HACE1: variants seen among roughly 807,000 people sequenced by gnomAD.
HACE1 encodes the protein E3 ubiquitin-protein ligase HACE1.
In HACE1, 73 loss-of-function variants were observed where a neutral mutation model predicts 118.4. That is an observed-to-expected ratio of 0.62 (90% CI 0.51 to 0.75). HACE1 has a LOEUF of 0.75. Ranked by LOEUF, HACE1 falls within the 30% of genes least tolerant of loss-of-function variation. The probability of loss-of-function intolerance (pLI) is 0.00; values close to 1 mark genes in which losing one functional copy is unlikely to be tolerated. For synonymous variants in HACE1, 368 were observed against 374.8 expected (o/e 0.98, Z 0.21); for missense variants, 749 against 1,102.2 (o/e 0.68, Z 4.54).
At chr6:104,824,809 C>G (rs1359252486) in intron 6 of HACE1, 1 of 151,924 alleles carries the variant, frequency 6.6e-6, no homozygotes, top group Non-Finnish European at 1.5e-5. Context: ...CACGGTGGCT[C>G]ACACCTGTAA....
chr6:104,839,669 A>C (rs770445440), intron 5 of HACE1, among the ~76,000 whole-genome samples: 4 of 152,220 alleles, frequency 2.6e-5, no homozygotes, highest in Non-Finnish European at 5.9e-5. Flanking sequence ...AATAAAAATG[A>C]ATAGAACTTA....
chr6:104,756,424 A>T (rs1239021048), intron 19 of HACE1, among the ~76,000 whole-genome samples: 158 of 122,070 alleles, frequency 1.3e-3, no homozygotes, highest in African/African-American at 4.8e-3. Flanking sequence ...AAAAAAAAAA[A>T]AAATATATAT....
At chr6:104,735,059 C>G (rs1229437557) in intron 22 of HACE1, among the ~76,000 whole-genome samples, 1 of 151,698 alleles carries the variant, frequency 6.6e-6, no homozygotes, top group African/African-American at 2.4e-5. Flanking sequence ...TATATAAAAT[C>G]TTAGGAGTAG....
chr6:104,750,922 A>G (rs567815996), intron 19 of HACE1, among the ~76,000 whole-genome samples: 6 of 152,316 alleles, frequency 3.9e-5, no homozygotes, highest in African/African-American at 1.4e-4. Flanking sequence ...GTGTGTATGT[A>G]CATGTAAATA....
chr6:104,830,461 C>T (rs1252127868), intron 6 of HACE1, among the ~76,000 whole-genome samples: 1 of 152,182 alleles, frequency 6.6e-6, no homozygotes, highest in East Asian at 1.9e-4. Context: ...CTATAACCCT[C>T]CATTTTTCCA....
chr6:104,809,751 C>T (rs1221905816), intron 7 of HACE1, among the ~76,000 whole-genome samples: 6 of 149,692 alleles, frequency 4.0e-5, no homozygotes, highest in Non-Finnish European at 8.9e-5. Flanking sequence ...GAGATTACTG[C>T]AGTACTCTAG....
intron 14 of HACE1, among the ~76,000 whole-genome samples, 164 bp from the exon 15 acceptor site, chr6:104,777,481 A>G (rs574201827): frequency 6.6e-6 from 1 of 152,382 alleles, no homozygotes; most frequent in East Asian, 1.9e-4. Context: ...AACTATTTAC[A>G]AAAAGACAGA....
chr6:104,759,694 A>G (rs1172707482), intron 19 of HACE1, among the ~76,000 whole-genome samples: 2 of 152,202 alleles, frequency 1.3e-5, no homozygotes, highest in Admixed American at 6.5e-5. Context: ...AGAAATAACT[A>G]AGATCAGAGC....
intron 6 of HACE1, among the ~76,000 whole-genome samples, chr6:104,811,600 G>T (rs1771636106): frequency 6.6e-6 from 1 of 152,000 alleles, no homozygotes; most frequent in Non-Finnish European, 1.5e-5. Flanking sequence ...CATATATGTG[G>T]AATTATCAGT....
At chr6:104,780,159 T>C (rs1460986938) in intron 14 of HACE1, among the ~76,000 whole-genome samples, 2 of 152,160 alleles carry the variant, frequency 1.3e-5, no homozygotes, top group East Asian at 3.8e-4. Flanking sequence ...CATTATAAGA[T>C]ATTAAACTAT....
chr6:104,776,011 G>C (rs969049596), intron 17 of HACE1, among the ~76,000 whole-genome samples: 12 of 152,198 alleles, frequency 7.9e-5, no homozygotes, highest in African/African-American at 1.2e-4. Flanking sequence ...TATTAAGTTA[G>C]AGAGCTCTCA....
chr6:104,799,358 C>T (rs1350584573), intron 7 of HACE1, among the ~76,000 whole-genome samples: 2 of 152,208 alleles, frequency 1.3e-5, no homozygotes, highest in South Asian at 2.1e-4. Context: ...CAAACACACA[C>T]ATAAGGGTAG....
chr6:104,759,631 T>C (rs1156668432), intron 19 of HACE1, among the ~76,000 whole-genome samples: 2 of 151,680 alleles, frequency 1.3e-5, no homozygotes, highest in Non-Finnish European at 2.9e-5. Context: ...AACATCACAA[T>C]TGAAAGAACT....
At chr6:104,773,203 T>C (rs1044164875) in intron 17 of HACE1, among the ~76,000 whole-genome samples, 1 of 152,238 alleles carries the variant, frequency 6.6e-6, no homozygotes, top group African/African-American at 2.4e-5. Context: ...GCTCATGCTA[T>C]ATACTACTAT....
At chr6:104,816,705 C>G (rs892078730) in intron 6 of HACE1, among the ~76,000 whole-genome samples, 4 of 152,146 alleles carry the variant, frequency 2.6e-5, no homozygotes, top group Admixed American at 6.5e-5. Flanking sequence ...CCACCACCCC[C>G]CAGACCCAAC....
intron 20 of HACE1, 141 bp from the exon 21 acceptor site, chr6:104,744,751 C>A: frequency 1.6e-6 from 1 of 644,600 alleles, no homozygotes; most frequent in Non-Finnish European, 2.8e-6. Context: ...ATGTCATCAA[C>A]AACAAGCATT....
At chr6:104,779,153 T>G (rs1781492144) in intron 14 of HACE1, among the ~76,000 whole-genome samples, 1 of 152,162 alleles carries the variant, frequency 6.6e-6, no homozygotes, top group African/African-American at 2.4e-5. Context: ...GAGAATTTGC[T>G]TAGCAAATGA....
Position 104,849,186 on chromosome 6 carries a change from T to G in HACE1, c.282A>C (p.Gln94His), listed in dbSNP as rs774492588. The change falls in exon 4 of 24, where the codon CAA becomes CAC. Residue 94 changes from glutamine to histidine, a missense_variant. Gln to His is a conservative substitution (Grantham distance 24). Around this residue, in one of 5 missense-constraint regions of HACE1, gnomAD observed 120 missense variants for 219.1 expected, o/e 0.55. Transcript: ENST00000262903. ...LLKKGANPNY[Q>H]DISGCTPLHL... ...GAAGGGGTGTACAGCCTGAAATATCTTGATAGTTAGGATTTGCTCCTTTCT... is the reference window on the plus strand; with the variant it reads ...GAAGGGGTGTACAGCCTGAAATATCGTGATAGTTAGGATTTGCTCCTTTCT... The G allele has an allele frequency of 6.2e-7, 1 of 1,611,136 alleles. No homozygotes were observed. The highest frequency in any genetic ancestry group is 2.2e-5 in the East Asian group (1 of 44,868).
chr6:104,772,095 T>C (rs1216762580), intron 17 of HACE1, 21 bp from the exon 18 acceptor site: 1 of 1,298,360 alleles, frequency 7.7e-7, no homozygotes, highest in Non-Finnish European at 1.1e-6. Flanking sequence ...AAATACAAAA[T>C]AATATATTAT....
Sources: allele counts gnomAD v4.1 joint callset (sites outside exome capture counted in the v4.1 genomes callset), GRCh38; gene constraint gnomAD v4.1.1; regional missense constraint gnomAD v4.1.1; transcripts MANE v1.5; gene names NCBI Gene and HGNC (gene_info 2026-07-23, HGNC 2026-07-21).